RPS6KC1: variants seen among roughly 807,000 people sequenced by gnomAD.
RPS6KC1 encodes the protein ribosomal protein S6 kinase C1.
Under a neutral mutation model 103.8 loss-of-function variants are expected in RPS6KC1, and 54 were observed. That is an observed-to-expected ratio of 0.52 (90% confidence interval 0.42 to 0.65). RPS6KC1 has a LOEUF of 0.65. Among genes scored for constraint, RPS6KC1 ranks in the 30% least tolerant of loss-of-function variants. RPS6KC1 has a pLI of 0.00. For synonymous variants in RPS6KC1, 439 were observed against 438.7 expected (o/e 1.00, Z -0.01); for missense variants, 1,151 against 1,253.8 (o/e 0.92, Z 1.24).
At chr1:213,182,936 G>T (rs1300030700) in intron 8 of RPS6KC1, among the ~76,000 whole-genome samples, 1 of 149,286 alleles carries the variant, frequency 6.7e-6, no homozygotes, top group Non-Finnish European at 1.5e-5. Flanking sequence ...CATGTTTGAA[G>T]TTTCTTATAT....
At chr1:213,370,732 C>T in the RPS6KC1 span, among the ~76,000 whole-genome samples, 1 of 152,136 alleles carries the variant, frequency 6.6e-6, no homozygotes, top group South Asian at 2.1e-4. Context: ...GCTGCTAGCG[C>T]GAGTTGGAGC....
At chr1:213,654,086 T>TA in the RPS6KC1 span, among the ~76,000 whole-genome samples, 2 of 152,350 alleles carry the variant, frequency 1.3e-5, no homozygotes, top group East Asian at 3.9e-4. Context: ...GGCAGATTAC[T>TA]TATCTCTCAG....
At chr1:213,512,163 T>G in the RPS6KC1 span, among the ~76,000 whole-genome samples, 1 of 152,252 alleles carries the variant, frequency 6.6e-6, no homozygotes, top group African/African-American at 2.4e-5. Flanking sequence ...CATTCCTGAT[T>G]GATTTTTGAA....
At chr1:213,281,864 G>T in the RPS6KC1 span, among the ~76,000 whole-genome samples, 3 of 152,182 alleles carry the variant, frequency 2.0e-5, no homozygotes, top group Non-Finnish European at 4.4e-5. Flanking sequence ...CCCGCCCATT[G>T]CAGCATTGGT....
the RPS6KC1 span, among the ~76,000 whole-genome samples, chr1:213,769,369 T>C: frequency 6.6e-5 from 10 of 152,160 alleles, no homozygotes; most frequent in Admixed American, 1.3e-4. Flanking sequence ...GACCCAGGAA[T>C]CTGTGCTTTT....
chr1:213,598,852 C>T, the RPS6KC1 span, among the ~76,000 whole-genome samples: 21 of 152,148 alleles, frequency 1.4e-4, no homozygotes, highest in South Asian at 3.5e-3. Flanking sequence ...ACCTGGGAAG[C>T]GGAGGTTGAG....
chr1:213,425,952 C>T, the RPS6KC1 span, among the ~76,000 whole-genome samples: 1 of 152,098 alleles, frequency 6.6e-6, no homozygotes, highest in Admixed American at 6.5e-5. Flanking sequence ...GGAATGTCCC[C>T]GAGTTTGGCA....
chr1:213,664,197 G>GGGGT, the RPS6KC1 span, among the ~76,000 whole-genome samples: 1 of 143,594 alleles, frequency 7.0e-6, no homozygotes, highest in East Asian at 2.3e-4. Context: ...ATGAGCGGGG[G>GGGGT]GGCGGGGTGG....
the RPS6KC1 span, among the ~76,000 whole-genome samples, chr1:213,499,418 G>A: frequency 6.6e-6 from 1 of 152,202 alleles, no homozygotes. Flanking sequence ...TAGTAGGTCG[G>A]AGTGGTGGGG....
chr1:213,488,953 T>A, the RPS6KC1 span, among the ~76,000 whole-genome samples: 4 of 152,208 alleles, frequency 2.6e-5, no homozygotes. Flanking sequence ...CCAAATTAAA[T>A]CTGAAGTAAA....
chr1:213,752,868 A>T, the RPS6KC1 span, among the ~76,000 whole-genome samples: 4 of 152,182 alleles, frequency 2.6e-5, no homozygotes, highest in Non-Finnish European at 5.9e-5. Context: ...CTGCTATGTT[A>T]TAATCCACTT....
In RPS6KC1 at chr1:213,117,319, T is replaced by C; in HGVS notation, c.381T>C (p.Gly127=). The C allele has an allele frequency of 6.3e-7, 1 of 1,582,656 alleles. No individual in the cohort carries two copies. Among genetic ancestry groups the C allele is most frequent in the Non-Finnish European group, 8.7e-7 (1 of 1,153,800 alleles). Residue 127 remains glycine, a splice_region_variant and synonymous_variant, in exon 5 of 15, where the codon GGT becomes GGC. Coordinates refer to ENST00000366960, the MANE Select transcript of RPS6KC1 (RefSeq NM_012424.6). ...NSKQLEDFFK[G]GIINDSSELI... ...CACAATTGCTCTTATCTCTTTAGGG[T>C]GGAATAATTAATGATAGTTCTGAAT...
chr1:213,820,596 T>C, the RPS6KC1 span: 1 of 152,226 alleles, frequency 6.6e-6, no homozygotes, highest in Non-Finnish European at 1.5e-5. Context: ...TGTCTTCTAG[T>C]GTGGCCAAGT....
At chr1:213,534,064 A>G in the RPS6KC1 span, among the ~76,000 whole-genome samples, 3 of 152,206 alleles carry the variant, frequency 2.0e-5, no homozygotes, top group Non-Finnish European at 4.4e-5. Context: ...AGGATAGCAA[A>G]TAGGTTTCAT....
the RPS6KC1 span, among the ~76,000 whole-genome samples, chr1:213,811,836 T>C: frequency 6.6e-6 from 1 of 152,188 alleles, no homozygotes; most frequent in African/African-American, 2.4e-5. Context: ...TGAGGAGCCA[T>C]TGAGGGTTTT....
the RPS6KC1 span, among the ~76,000 whole-genome samples, chr1:213,632,005 A>C: frequency 6.6e-6 from 1 of 152,192 alleles, no homozygotes; most frequent in East Asian, 1.9e-4. Context: ...GGAATCATAC[A>C]GTATGTAACA....
the RPS6KC1 span, among the ~76,000 whole-genome samples, chr1:213,654,326 C>T: frequency 2.6e-5 from 4 of 152,104 alleles, no homozygotes; most frequent in African/African-American, 4.8e-5. Flanking sequence ...GAGCTGCAGG[C>T]GTTCAACTTG....
chr1:213,741,531 T>TG, the RPS6KC1 span, among the ~76,000 whole-genome samples: 9 of 112,068 alleles, frequency 8.0e-5, no homozygotes, highest in Non-Finnish European at 1.6e-4. Flanking sequence ...ATCAACGTGC[T>TG]GGAAAAAAAA....
chr1:213,711,055 G>A, the RPS6KC1 span, among the ~76,000 whole-genome samples: 1 of 152,150 alleles, frequency 6.6e-6, no homozygotes, highest in Non-Finnish European at 1.5e-5. Context: ...GAATTTGAAT[G>A]TTGGCCTGTC....
Sources: allele counts gnomAD v4.1 joint callset (sites outside exome capture counted in the v4.1 genomes callset), GRCh38; gene constraint gnomAD v4.1.1; transcripts MANE v1.5; gene names NCBI Gene and HGNC (gene_info 2026-07-23, HGNC 2026-07-21).